Variants in SAMTOR observed in about 807,000 individuals in gnomAD.
SAMTOR encodes S-adenosylmethionine sensor upstream of mTORC1, also known as UPF0532 protein C7orf60.
At chr7:112,862,334 C>A in the SAMTOR span, among the ~76,000 whole-genome samples, 1 of 152,120 alleles carries the variant, frequency 6.6e-6, no homozygotes, top group Non-Finnish European at 1.5e-5. Context: ...TATTAATTTT[C>A]CCTGTTTCAA....
At chr7:112,840,988 C>A in the SAMTOR span, among the ~76,000 whole-genome samples, 1 of 152,002 alleles carries the variant, frequency 6.6e-6, no homozygotes, top group Non-Finnish European at 1.5e-5. Flanking sequence ...ACTGAATAGG[C>A]AAAAACTGGA....
chr7:112,925,899 T>C, the SAMTOR span, among the ~76,000 whole-genome samples: 17 of 151,568 alleles, frequency 1.1e-4, no homozygotes, highest in South Asian at 2.1e-4. Context: ...GAGAGAAAGA[T>C]GGGAAGGAGA....
chr7:112,877,191 T>G, the SAMTOR span, among the ~76,000 whole-genome samples: 1 of 152,214 alleles, frequency 6.6e-6, no homozygotes, highest in Non-Finnish European at 1.5e-5. Context: ...GGGCCTAGTA[T>G]GTGCTGCCAG....
the SAMTOR span, chr7:112,895,793 A>C: frequency 7.9e-7 from 1 of 1,269,500 alleles, no homozygotes; most frequent in Non-Finnish European, 1.0e-6. Flanking sequence ...CTACAAAATA[A>C]GACGGAAAAA....
chr7:112,881,515 G>A, the SAMTOR span, among the ~76,000 whole-genome samples: 2 of 152,182 alleles, frequency 1.3e-5, no homozygotes, highest in Non-Finnish European at 2.9e-5. Flanking sequence ...GACTCAAACA[G>A]ACATTGGGAC....
At chr7:112,916,501 C>T in the SAMTOR span, among the ~76,000 whole-genome samples, 12 of 152,146 alleles carry the variant, frequency 7.9e-5, no homozygotes, top group African/African-American at 2.9e-4. Flanking sequence ...GTCTACAGCT[C>T]CCAGCGTGAC....
the SAMTOR span, among the ~76,000 whole-genome samples, chr7:112,911,074 G>T: frequency 6.6e-6 from 1 of 152,102 alleles, no homozygotes; most frequent in African/African-American, 2.4e-5. Flanking sequence ...GAAATACTCT[G>T]CTGGATTAAA....
the SAMTOR span, among the ~76,000 whole-genome samples, chr7:112,897,574 T>C: frequency 6.6e-6 from 1 of 152,036 alleles, no homozygotes; most frequent in Non-Finnish European, 1.5e-5. Flanking sequence ...TCAAAAAACA[T>C]ACAGATCAAT....
chr7:112,931,269 G>T, the SAMTOR span, among the ~76,000 whole-genome samples: 39 of 152,012 alleles, frequency 2.6e-4, no homozygotes, highest in African/African-American at 9.2e-4. Flanking sequence ...TAGAGAGCAG[G>T]GGGTTGGGAC....
chr7:112,836,895 AT>A, the SAMTOR span, among the ~76,000 whole-genome samples: 3 of 151,700 alleles, frequency 2.0e-5, no homozygotes, highest in African/African-American at 7.3e-5. Flanking sequence ...CAGCTTTGTT[AT>A]TTTTGCTTAG....
At chr7:112,831,008 G>C in the SAMTOR span, among the ~76,000 whole-genome samples, 2 of 151,652 alleles carry the variant, frequency 1.3e-5, no homozygotes, top group African/African-American at 2.4e-5. Context: ...TCAAACCTAG[G>C]CTGGAAACAT....
the SAMTOR span, among the ~76,000 whole-genome samples, chr7:112,824,615 C>A: frequency 6.6e-6 from 1 of 152,102 alleles, no homozygotes; most frequent in African/African-American, 2.4e-5. Context: ...CCCACCTTGG[C>A]CTCCCAAAGT....
chr7:112,842,862 C>G, the SAMTOR span, among the ~76,000 whole-genome samples: 3 of 151,988 alleles, frequency 2.0e-5, no homozygotes. Context: ...TTAACTGATA[C>G]ACTTTACTTC....
the SAMTOR span, among the ~76,000 whole-genome samples, chr7:112,913,078 T>C: frequency 6.6e-6 from 1 of 152,222 alleles, no homozygotes; most frequent in Non-Finnish European, 1.5e-5. Flanking sequence ...ATGCCTCATT[T>C]TGTGTTTCTT....
At chr7:112,857,119 C>T in the SAMTOR span, among the ~76,000 whole-genome samples, 41 of 141,640 alleles carry the variant, frequency 2.9e-4, no homozygotes, top group African/African-American at 1.1e-3. Flanking sequence ...GGAGTCTCGC[C>T]TGTCGCCCAG....
At chr7:112,845,512 G>A in the SAMTOR span, among the ~76,000 whole-genome samples, 1 of 152,132 alleles carries the variant, frequency 6.6e-6, no homozygotes, top group South Asian at 2.1e-4. Context: ...GATCATTAGA[G>A]AAGTGCAAAT....
chr7:112,861,249 A>G, the SAMTOR span, among the ~76,000 whole-genome samples: 1 of 152,176 alleles, frequency 6.6e-6, no homozygotes, highest in Non-Finnish European at 1.5e-5. Flanking sequence ...GTGGTAGGAC[A>G]TGTTTCTTTA....
At chr7:112,829,738 T>C in the SAMTOR span, among the ~76,000 whole-genome samples, 310 of 152,314 alleles carry the variant, frequency 2.0e-3, 2 homozygotes, top group Middle Eastern at 6.8e-3. Context: ...ACTAGAGCAC[T>C]AGTATTTAGT....
the SAMTOR span, among the ~76,000 whole-genome samples, chr7:112,901,941 GTA>G: frequency 6.6e-6 from 1 of 152,088 alleles, no homozygotes; most frequent in African/African-American, 2.4e-5. Flanking sequence ...AGACAACAGA[GTA>G]TTATTCAGCA....
Sources: allele counts gnomAD v4.1 joint callset (sites outside exome capture counted in the v4.1 genomes callset), GRCh38; gene constraint gnomAD v4.1.1; transcripts MANE v1.5; gene names NCBI Gene and HGNC (gene_info 2026-07-23, HGNC 2026-07-21).